The following CRACD variants were observed in gnomAD, a reference collection of about 807,000 sequenced individuals.
The protein encoded by CRACD is capping protein inhibiting regulator of actin dynamics.
Under a neutral mutation model 106.8 loss-of-function variants are expected in CRACD, and 56 were observed. The observed-to-expected ratio is 0.52, with a 90% CI of 0.42 to 0.66. The LOEUF (loss-of-function observed/expected upper bound fraction) is 0.66, where lower values mean the gene tolerates loss of function less well. Ranked by LOEUF, CRACD falls within the 30% of genes least tolerant of loss-of-function variation. The pLI is 0.00. For synonymous variants in CRACD, 754 were observed against 670.8 expected (o/e 1.12, Z -1.92); for missense variants, 1,730 against 1,623.2 (o/e 1.07, Z -1.13).
Position 56,298,281 on chromosome 4 carries a change from G to C in CRACD, c.52G>C (p.Ala18Pro). The stretch of plus-strand genomic sequence containing the variant: ...CAGTATTTTTATCCCTGATGGGGGA[G>C]CAGAAAGTGAGCAGACAGTTCAAGC... ...HDSIFIPDGGAESEQTVQAMS... is the reference protein window; with the variant it reads ...HDSIFIPDGGPESEQTVQAMS... The change falls in exon 4 of 11, where the codon GCA becomes CCA. Residue 18 changes from alanine to proline, a missense_variant. Transcript: ENST00000682029. 6.2e-7 allele frequency: 1 copy of C among 1,614,180 alleles called. No individual in the cohort carries two copies. Among genetic ancestry groups the C allele is most frequent in the Non-Finnish European group, 8.5e-7 (1 of 1,180,018 alleles).
chr4:56,218,882 C>T (rs1380795545), intron 2 of CRACD, among the ~76,000 whole-genome samples: 1 of 152,130 alleles, frequency 6.6e-6, no homozygotes, highest in Non-Finnish European at 1.5e-5. Flanking sequence ...TTGTTCTTCT[C>T]ATTTATTTTG....
Position 56,307,581 on chromosome 4 carries a change from C to G in CRACD, c.167C>G (p.Ala56Gly). 2 of 1,614,150 alleles carry G rather than the reference C, an allele frequency of 1.2e-6. No individual in the cohort carries two copies. The highest frequency in any genetic ancestry group is 1.7e-6 in the Non-Finnish European group (2 of 1,180,006). The change falls in exon 5 of 11, where the codon GCC becomes GGC. Residue 56 changes from alanine to glycine, a missense_variant. By Grantham distance (60) the Ala-to-Gly change is moderately conservative. This residue lies in a region of CRACD where 1,620 missense variants were observed against 1,481.6 expected (regional missense o/e 1.09). Coordinates refer to ENST00000682029, the MANE Select transcript of CRACD (RefSeq NM_001393381.1). Reference sequence around the variant, plus strand: ...AAGTTTGGGCAGCGGTCACCCAATGCCATTCCCATGAATAAGGCAAACAGT... The same window carrying G: ...AAGTTTGGGCAGCGGTCACCCAATGGCATTCCCATGAATAAGGCAAACAGT... Reference protein sequence around the residue: ...NIKFGQRSPNAIPMNKANSGE... With the variant: ...NIKFGQRSPNGIPMNKANSGE...
chr4:56,081,004 CTG>C (rs1733002974), intron 1 of CRACD, among the ~76,000 whole-genome samples: 1 of 152,248 alleles, frequency 6.6e-6, no homozygotes, highest in African/African-American at 2.4e-5. Flanking sequence ...ACCTGCATAA[CTG>C]TTTTTTGTTT....
At chr4:56,294,385 T>C (rs1348289902) in intron 3 of CRACD, among the ~76,000 whole-genome samples, 3 of 152,170 alleles carry the variant, frequency 2.0e-5, no homozygotes, top group Non-Finnish European at 4.4e-5. Flanking sequence ...TACAATAAAT[T>C]CAGAAACACC....
chr4:56,172,160 G>A (rs1424174759), intron 1 of CRACD, among the ~76,000 whole-genome samples: 2 of 151,604 alleles, frequency 1.3e-5, no homozygotes, highest in East Asian at 3.9e-4. Flanking sequence ...AAGGAAGATA[G>A]TATCACTATT....
intron 1 of CRACD, among the ~76,000 whole-genome samples, chr4:56,139,596 A>G (rs1342089127): frequency 6.6e-6 from 1 of 152,208 alleles, no homozygotes; most frequent in African/African-American, 2.4e-5. Context: ...GTGTCATGGC[A>G]TCTGAATCTG....
chr4:56,319,105 A>T lies in CRACD; in HGVS notation c.3187+2416A>T, dbSNP rs181227835. Reference sequence around the variant, plus strand: ...CTATTGTGGAAGGGATCATTTAGTTAAAAGGAGATATAAACTCGCCAAACT... The same window carrying T: ...CTATTGTGGAAGGGATCATTTAGTTTAAAGGAGATATAAACTCGCCAAACT... On this transcript the variant is annotated intron_variant, in intron 8 of 10. Coordinates refer to ENST00000682029, the MANE Select transcript of CRACD (RefSeq NM_001393381.1). Among the ~76,000 whole-genome samples, 971 of 152,232 alleles carry T rather than the reference A, an allele frequency of 6.4e-3. 6 individuals are homozygous for T. Among genetic ancestry groups the T allele is most frequent in the Non-Finnish European group, 6.4e-3 (432 of 68,018 alleles).
chr4:56,214,649 G>GAC (rs1388482781), intron 2 of CRACD, among the ~76,000 whole-genome samples: 9 of 90,302 alleles, frequency 1.0e-4, no homozygotes, highest in East Asian at 4.8e-4. Context: ...GACAGAGCTA[G>GAC]ACACTCTCTC....
chr4:56,115,193 G>A lies in CRACD; in HGVS notation c.-335-64091G>A, dbSNP rs547853408. ...GGAAATTGTTCACAGTTGTGTTGAAGCTTTCAAACCCATATCATAACCCTA... is the reference window on the plus strand; with the variant it reads ...GGAAATTGTTCACAGTTGTGTTGAAACTTTCAAACCCATATCATAACCCTA... On this transcript the variant is annotated intron_variant, in intron 1 of 10. Transcript: ENST00000682029. Among the ~76,000 whole-genome samples, 11 of 152,212 alleles carry A rather than the reference G, an allele frequency of 7.2e-5. No individual in the cohort carries two copies. In the South Asian group the frequency reaches 2.3e-3, roughly 32 times the overall value.
At chr4:56,158,399 A>T (rs553715963) in intron 1 of CRACD, among the ~76,000 whole-genome samples, 5,402 of 146,420 alleles carry the variant, frequency 0.037, 127 homozygotes, top group Non-Finnish European at 0.057. Flanking sequence ...TTTTTTTTAA[A>T]AATAATTCCT....
intron 1 of CRACD, among the ~76,000 whole-genome samples, chr4:56,140,100 C>T (rs535841931): frequency 6.6e-6 from 1 of 152,276 alleles, no homozygotes; most frequent in Admixed American, 6.5e-5. Context: ...CAATTTTCTT[C>T]TCTCTTTTTG....
Position 56,071,628 on chromosome 4 carries a change from G to A in CRACD, c.-336+22329G>A, listed in dbSNP as rs1463347560. Among the ~76,000 whole-genome samples, 5 of 151,806 alleles carry A rather than the reference G, an allele frequency of 3.3e-5. No individual in the cohort carries two copies. The South Asian group carries it at 6.2e-4, about 19-fold the overall frequency. ...AGGTTCAAGCAATTCTCCTGCGTCA[G>A]CCTCCTGAGTAGCTGGTATTACAGA... On this transcript the variant is annotated intron_variant, in intron 1 of 10. Transcript: ENST00000682029.
chr4:56,127,738 G>A (rs1734704517), intron 1 of CRACD, among the ~76,000 whole-genome samples: 2 of 152,134 alleles, frequency 1.3e-5, no homozygotes, highest in South Asian at 4.1e-4. Context: ...GCTGTCAGAG[G>A]TCATTCTCAG....
chr4:56,296,014 T>C (rs970686905), intron 3 of CRACD, among the ~76,000 whole-genome samples: 2 of 152,160 alleles, frequency 1.3e-5, no homozygotes, highest in Non-Finnish European at 2.9e-5. Flanking sequence ...CTGGGTTATT[T>C]AGCTGAAGAC....
At chr4:56,096,717 T>C (rs1733611713) in intron 1 of CRACD, among the ~76,000 whole-genome samples, 2 of 151,742 alleles carry the variant, frequency 1.3e-5, no homozygotes, top group African/African-American at 4.8e-5. Context: ...AAGTGACCAT[T>C]GGATTTAGTG....
At chr4:56,130,141 C>T (rs1258493712) in intron 1 of CRACD, among the ~76,000 whole-genome samples, 2 of 152,062 alleles carry the variant, frequency 1.3e-5, no homozygotes, top group African/African-American at 4.8e-5. Flanking sequence ...TATGGTGGCA[C>T]CCACCTGTAG....
At chr4:56,234,632 A>G (rs1240408944) in intron 2 of CRACD, among the ~76,000 whole-genome samples, 1 of 152,180 alleles carries the variant, frequency 6.6e-6, no homozygotes, top group African/African-American at 2.4e-5. Flanking sequence ...CAAAGCTTAG[A>G]GAAGAATGAT....
intron 2 of CRACD, among the ~76,000 whole-genome samples, chr4:56,250,838 A>G (rs921090056): frequency 1.3e-5 from 2 of 152,344 alleles, no homozygotes; most frequent in East Asian, 1.9e-4. Flanking sequence ...TAATATTACT[A>G]TCTATGGAAA....
chr4:56,314,801 G>C lies in CRACD; in HGVS notation c.1299G>C (p.Gln433His), dbSNP rs1272676233. The C allele has an allele frequency of 6.2e-7, 1 of 1,604,380 alleles. No individual in the cohort carries two copies. The highest frequency in any genetic ancestry group is 8.5e-7 in the Non-Finnish European group (1 of 1,176,748). The change falls in exon 8 of 11, where the codon CAG becomes CAC. Residue 433 changes from glutamine (Q) to histidine (H), a missense_variant. By Grantham distance (24) the Gln-to-His change is conservative (BLOSUM62 0). This residue lies in a region of CRACD where 1,620 missense variants were observed against 1,481.6 expected (regional missense o/e 1.09). Coordinates refer to ENST00000682029, the MANE Select transcript of CRACD (RefSeq NM_001393381.1). The surrounding 1 kb of genome is among the most constrained non-coding windows in gnomAD (Gnocchi z 4.4). ...LNDFEERLED[Q>H]ERLKPEGQRE... ...ACTTTGAGGAGAGGCTCGAAGACCA[G>C]GAACGCCTGAAACCCGAAGGACAAA...
Sources: allele counts gnomAD v4.1 joint callset (sites outside exome capture counted in the v4.1 genomes callset), GRCh38; gene constraint gnomAD v4.1.1; regional missense constraint gnomAD v4.1.1; non-coding constraint Gnocchi (gnomAD v3.1); transcripts MANE v1.5; gene names NCBI Gene and HGNC (gene_info 2026-07-23, HGNC 2026-07-21).